The following PCDH17 variants were observed in gnomAD, a reference collection of about 807,000 sequenced individuals.
The protein encoded by PCDH17 is protocadherin 17, also known as protocadherin-17.
Under a neutral mutation model 67.7 loss-of-function variants are expected in PCDH17, and 21 were observed. The ratio of observed to expected loss-of-function variants is 0.31; its 90% CI spans 0.22 to 0.45. The LOEUF (loss-of-function observed/expected upper bound fraction) is 0.45, where lower values mean the gene tolerates loss of function less well. PCDH17 is among the 20% of genes least tolerant of loss of function. The pLI is 1.00. For synonymous variants in PCDH17, 701 were observed against 656.7 expected (o/e 1.07, Z -1.03); for missense variants, 1,471 against 1,564.8 (o/e 0.94, Z 1.01).
rs764523929 is a variant in PCDH17 at position 57,634,814 on chromosome 13, G to C, written c.2268G>C (p.Lys756Asn). The stretch of plus-strand genomic sequence containing the variant: ...GCCACCCGCAGCTGGGTGGGGGCAA[G>C]GGCAAGAAGAAGAAGATCAACAAAA... ...EYSHPQLGGG[K>N]GKKKKINKND... is the part of the protein sequence containing the mutation. The change falls in exon 1 of 4, where the codon AAG (lysine) becomes AAC (asparagine). Residue 756 changes from lysine to asparagine, a missense_variant. Around this residue, in one of 3 missense-constraint regions of PCDH17, gnomAD observed 1,163 missense variants for 1,230.0 expected, o/e 0.95. Transcript: ENST00000377918. The surrounding 1 kb of genome is among the most constrained non-coding windows in gnomAD (Gnocchi z 7.8). 1 of 1,614,078 alleles carries C rather than the reference G, an allele frequency of 6.2e-7. No homozygotes were observed. The highest frequency in any genetic ancestry group is 8.5e-7 in the Non-Finnish European group (1 of 1,180,016).
chr13:57,710,795 G>A (rs895178452), intron 3 of PCDH17, among the ~76,000 whole-genome samples: 3 of 151,868 alleles, frequency 2.0e-5, no homozygotes, highest in African/African-American at 7.2e-5. Context: ...AATTTTTCTT[G>A]CTTTATTCAT....
At chr13:57,672,326 G>C (rs1225555754) in intron 3 of PCDH17, among the ~76,000 whole-genome samples, 1 of 151,958 alleles carries the variant, frequency 6.6e-6, no homozygotes, top group Non-Finnish European at 1.5e-5. Flanking sequence ...AATAGGCTTA[G>C]GCTAGTTTAA....
intron 3 of PCDH17, among the ~76,000 whole-genome samples, chr13:57,697,191 G>A (rs753044638): frequency 2.0e-5 from 3 of 151,404 alleles, no homozygotes; most frequent in Non-Finnish European, 4.4e-5. Flanking sequence ...CATGAATTCA[G>A]GCTGGTTTTT....
chr13:57,719,975 A>G (rs1955859254), intron 3 of PCDH17, among the ~76,000 whole-genome samples: 2 of 152,078 alleles, frequency 1.3e-5, no homozygotes, highest in Admixed American at 6.6e-5. Context: ...ACATTATACA[A>G]TTAAAACACA....
At chr13:57,681,075 A>T (rs1332777144) in intron 3 of PCDH17, among the ~76,000 whole-genome samples, 1 of 151,758 alleles carries the variant, frequency 6.6e-6, no homozygotes, top group Non-Finnish European at 1.5e-5. Context: ...CCTCAAGTTG[A>T]TGATATTGCT....
In PCDH17 at chr13:57,632,355, C is replaced by T; in HGVS notation, c.-192C>T. On this transcript the variant is annotated 5_prime_UTR_variant, in exon 1 of 4. Transcript: ENST00000377918. ...ACCCAGTGCGGATGCTGTAGATCAA[C>T]AGGTTCAGGGAACTTGAGCAGAATA... is the stretch of plus-strand genomic sequence containing the variant. The T allele has an allele frequency of 1.6e-6, 1 of 609,744 alleles. No homozygotes were observed. Among genetic ancestry groups the T allele is most frequent in the South Asian group, 2.1e-5 (1 of 48,616 alleles). 37.8% of individuals were successfully genotyped at this position (609,744 alleles called of 1,614,324 possible).
chr13:57,641,579 AAAAAAAAAATATATATATATATATATAT>A (rs1294988383), intron 1 of PCDH17, among the ~76,000 whole-genome samples: 19 of 77,718 alleles, frequency 2.4e-4, no homozygotes, highest in Non-Finnish European at 4.1e-4. Context: ...AAAAAAAAAA[AAAAAAAAAATATATATATATATATATAT>A]ATATATATAT....
rs150665340 is a variant in PCDH17, at chr13:57,682,307, C to T, written c.2797+15474C>T. Among the ~76,000 whole-genome samples, 561 of 151,766 alleles carry T rather than the reference C, an allele frequency of 3.7e-3. 2 individuals are homozygous for T. The highest frequency in any genetic ancestry group is 6.8e-3 in the Middle Eastern group (2 of 294). The stretch of plus-strand genomic sequence containing the variant: ...CTTGAAATTTCTTCAGTTCACTCAC[C>T]CCCAGTGTATCTCCCTACCCAGGCT... On this transcript the variant is annotated intron_variant, in intron 3 of 3. Transcript: ENST00000377918.
intron 3 of PCDH17, among the ~76,000 whole-genome samples, chr13:57,696,085 A>T (rs1484036920): frequency 6.6e-6 from 1 of 151,370 alleles, no homozygotes; most frequent in Non-Finnish European, 1.5e-5. Flanking sequence ...ACAGTGTGTG[A>T]ACCCTGTAAC....
intron 1 of PCDH17, among the ~76,000 whole-genome samples, chr13:57,648,737 A>G (rs1178873935): frequency 1.3e-5 from 2 of 152,002 alleles, no homozygotes; most frequent in African/African-American, 4.8e-5. Context: ...ATATTACCTT[A>G]GAGTTATACT....
chr13:57,708,219 G>A (rs1593943506), intron 3 of PCDH17, among the ~76,000 whole-genome samples: 1 of 152,100 alleles, frequency 6.6e-6, no homozygotes, highest in East Asian at 1.9e-4. Flanking sequence ...TTTCTACGTA[G>A]TAAAATGGTT....
chr13:57,705,983 C>T (rs1318146935), intron 3 of PCDH17, among the ~76,000 whole-genome samples: 2 of 150,840 alleles, frequency 1.3e-5, no homozygotes, highest in Non-Finnish European at 2.9e-5. Context: ...CCATTGAATT[C>T]CAGCCTGAGC....
rs573970640 is a variant in PCDH17 at position 57,656,444 on chromosome 13, C to T, written c.2566-10024C>T. ...TCTTAGCAATAATAAGTAATATCAC[C>T]AATTTATCTTCCTTTCTTTATTCTC... On this transcript the variant is annotated intron_variant, in intron 1 of 3. Coordinates refer to ENST00000377918, the MANE Select transcript of PCDH17 (RefSeq NM_001040429.3). Among the ~76,000 whole-genome samples, 20 of 151,914 alleles carry T rather than the reference C, an allele frequency of 1.3e-4. No homozygotes were observed. In the South Asian group the frequency reaches 2.9e-3, roughly 22 times the overall value.
At chr13:57,688,338 T>C (rs1175795921) in intron 3 of PCDH17, among the ~76,000 whole-genome samples, 1 of 151,846 alleles carries the variant, frequency 6.6e-6, no homozygotes, top group Non-Finnish European at 1.5e-5. Context: ...ATAAAAAACT[T>C]TGGGAAAAAT....
chr13:57,673,129 G>T (rs1374364489), intron 3 of PCDH17, among the ~76,000 whole-genome samples: 2 of 151,850 alleles, frequency 1.3e-5, no homozygotes, highest in Admixed American at 6.6e-5. Context: ...ATCTAAATGG[G>T]TCCAGGTGCC....
At chr13:57,665,481 A>T (rs1025149666) in intron 1 of PCDH17, among the ~76,000 whole-genome samples, 12 of 152,196 alleles carry the variant, frequency 7.9e-5, no homozygotes, top group African/African-American at 2.4e-4. Flanking sequence ...CATGAATTGC[A>T]TGATCCCTGT....
At chr13:57,670,138 T>G (rs1487150949) in intron 3 of PCDH17, among the ~76,000 whole-genome samples, 1 of 152,018 alleles carries the variant, frequency 6.6e-6, no homozygotes, top group Non-Finnish European at 1.5e-5. Context: ...CAAACAATGT[T>G]TTATGCTATT....
chr13:57,709,839 G>A (rs908584424), intron 3 of PCDH17: 1 of 152,208 alleles, frequency 6.6e-6, no homozygotes, highest in African/African-American at 2.4e-5. Flanking sequence ...CTATACATTT[G>A]CAAGGCAGAA....
Position 57,633,671 on chromosome 13 carries a change from G to A in PCDH17, c.1125G>A (p.Arg375=). 6.2e-7 allele frequency: 1 copy of A among 1,605,892 alleles called. No individual in the cohort carries two copies. Among genetic ancestry groups the A allele is most frequent in the Non-Finnish European group, 8.5e-7 (1 of 1,179,904 alleles). Reference sequence around the variant, plus strand: ...CCGGCACCGTCATCGCCCTGGTGCGGGTCACTGACCGGGACTCTGGCAAGA... The same window carrying A: ...CCGGCACCGTCATCGCCCTGGTGCGAGTCACTGACCGGGACTCTGGCAAGA... ...APPGTVIALV[R]VTDRDSGKNG... is the part of the protein sequence containing the mutation. Residue 375 remains arginine, a synonymous_variant, in exon 1 of 4, where the codon CGG becomes CGA. Transcript: ENST00000377918. The surrounding 1 kb of genome is among the most constrained non-coding windows in gnomAD (Gnocchi z 6.2).
Sources: gnomAD v4.1 joint callset for allele counts (sites outside exome capture counted in the v4.1 genomes callset) on GRCh38, gnomAD v4.1.1 for gene constraint, gnomAD v4.1.1 regional missense constraint, Gnocchi (gnomAD v3.1) non-coding constraint, MANE v1.5 for transcripts, NCBI Gene and HGNC (gene_info 2026-07-23, HGNC 2026-07-21) for gene names.